The following RBMS3 variants were observed in gnomAD, a reference collection of about 807,000 sequenced individuals.
RBMS3 encodes the protein RNA-binding motif, single-stranded-interacting protein 3.
Under a neutral mutation model 66.8 loss-of-function variants are expected in RBMS3, and 27 were observed. The observed-to-expected ratio is 0.40, with a 90% CI of 0.30 to 0.56. The LOEUF (loss-of-function observed/expected upper bound fraction) is 0.56. Among genes scored for constraint, RBMS3 ranks in the 20% least tolerant of loss-of-function variants. RBMS3 has a pLI of 0.40. For missense variants in RBMS3, 513 were observed against 549.5 expected (o/e 0.93, Z 0.66); for synonymous variants, 188 against 183.0 (o/e 1.03, Z -0.22).
chr3:29,984,567 T>G (rs1698235579), intron 12 of RBMS3, among the ~76,000 whole-genome samples: 1 of 152,150 alleles, frequency 6.6e-6, no homozygotes, highest in Non-Finnish European at 1.5e-5. Flanking sequence ...CCTTTAGTCT[T>G]TGATGCTGGT....
At chr3:29,885,715 T>A (rs2059854153) in intron 8 of RBMS3, among the ~76,000 whole-genome samples, 2 of 151,926 alleles carry the variant, frequency 1.3e-5, no homozygotes, top group South Asian at 4.1e-4. Context: ...TCATATTTTA[T>A]AATATTTTAC....
At chr3:29,396,997 G>A (rs892191062) in intron 1 of RBMS3, among the ~76,000 whole-genome samples, 1 of 152,110 alleles carries the variant, frequency 6.6e-6, no homozygotes, top group African/African-American at 2.4e-5. Flanking sequence ...TATTATTAAT[G>A]AAATGCAGTT....
At chr3:29,551,421 C>T (rs866991950) in intron 3 of RBMS3, among the ~76,000 whole-genome samples, 1 of 152,070 alleles carries the variant, frequency 6.6e-6, no homozygotes, top group Non-Finnish European at 1.5e-5. Context: ...TAGATGTATT[C>T]GCTTATGCTT....
chr3:29,295,374 TATAC>T (rs1358579748), intron 1 of RBMS3, among the ~76,000 whole-genome samples: 1 of 147,032 alleles, frequency 6.8e-6, no homozygotes, highest in African/African-American at 2.5e-5. Flanking sequence ...CATATATATA[TATAC>T]ACATATATAT....
chr3:29,590,375 A>C (rs893175629), intron 4 of RBMS3, among the ~76,000 whole-genome samples: 1 of 152,142 alleles, frequency 6.6e-6, no homozygotes, highest in Admixed American at 6.6e-5. Context: ...AATGTTAGTT[A>C]TTCAATAAAT....
At chr3:29,282,585 G>A (rs2031903147) in intron 1 of RBMS3, among the ~76,000 whole-genome samples, 1 of 152,122 alleles carries the variant, frequency 6.6e-6, no homozygotes, top group African/African-American at 2.4e-5. Context: ...AGACATGAAA[G>A]ACTCTCAGGT....
chr3:29,704,528 C>G (rs914896135), intron 4 of RBMS3, among the ~76,000 whole-genome samples: 8 of 152,182 alleles, frequency 5.3e-5, no homozygotes, highest in Non-Finnish European at 8.8e-5. Flanking sequence ...CTTAACCTCT[C>G]AAAGTCGCAG....
At chr3:29,404,689 G>C (rs911160908) in intron 1 of RBMS3, among the ~76,000 whole-genome samples, 1 of 152,068 alleles carries the variant, frequency 6.6e-6, no homozygotes, top group Admixed American at 6.6e-5. Flanking sequence ...ATCATGATGA[G>C]TTAGCAGGTT....
intron 6 of RBMS3, among the ~76,000 whole-genome samples, chr3:29,832,087 TA>T (rs1405885878): frequency 2.6e-5 from 4 of 152,120 alleles, no homozygotes; most frequent in African/African-American, 7.2e-5. Flanking sequence ...ATAGAAATAG[TA>T]ACAAAATATA....
At chr3:29,838,129 G>T (rs573384519) in intron 6 of RBMS3, among the ~76,000 whole-genome samples, 127 of 139,372 alleles carry the variant, frequency 9.1e-4, no homozygotes, top group African/African-American at 3.3e-3. Context: ...TGTTGAACCT[G>T]AGTTCACAAC....
At chr3:29,964,631 C>T (rs910008100) in intron 12 of RBMS3, among the ~76,000 whole-genome samples, 2 of 152,190 alleles carry the variant, frequency 1.3e-5, no homozygotes, top group South Asian at 2.1e-4. Flanking sequence ...AACCTTTCCT[C>T]GGGAGTCTCC....
intron 10 of RBMS3, among the ~76,000 whole-genome samples, chr3:29,929,695 A>G (rs1211998460): frequency 1.3e-5 from 2 of 152,314 alleles, no homozygotes; most frequent in Admixed American, 6.5e-5. Flanking sequence ...TATAATTAAT[A>G]GATATTCTGT....
chr3:29,609,793 C>T (rs1041366774), intron 4 of RBMS3, among the ~76,000 whole-genome samples: 1 of 151,932 alleles, frequency 6.6e-6, no homozygotes, highest in African/African-American at 2.4e-5. Context: ...TTCAGACACT[C>T]AAATAAGGTG....
At chr3:29,909,537 G>A (rs1280408170) in intron 10 of RBMS3, among the ~76,000 whole-genome samples, 2 of 152,098 alleles carry the variant, frequency 1.3e-5, no homozygotes, top group East Asian at 1.9e-4. Context: ...TGCCTCCTAA[G>A]CACAGGAGTG....
At chr3:29,491,483 A>G (rs189835344) in intron 3 of RBMS3, among the ~76,000 whole-genome samples, 310 of 152,332 alleles carry the variant, frequency 2.0e-3, no homozygotes, top group African/African-American at 7.1e-3. Flanking sequence ...ATAATCTTAC[A>G]AATACATAGA....
intron 4 of RBMS3, among the ~76,000 whole-genome samples, chr3:29,631,373 G>T (rs2049275593): frequency 6.6e-6 from 1 of 151,622 alleles, no homozygotes; most frequent in Non-Finnish European, 1.5e-5. Flanking sequence ...CTGCTTTTCT[G>T]TTATCTTGAG....
rs71628521 is a variant in RBMS3, at chr3:29,384,435, TAAGAAGAAG to T, written c.76-50284_76-50276del. Reference sequence around the variant, plus strand: ...TATACACCAATAATAATAATAATAATAAGAAGAAGAAGAAGAAGAAGAAGAAGAAGAATC... The same window carrying T: ...TATACACCAATAATAATAATAATAATAAGAAGAAGAAGAAGAAGAAGAATC... On this transcript the variant is annotated intron_variant, in intron 1 of 14. Coordinates refer to ENST00000383767, the MANE Select transcript of RBMS3 (RefSeq NM_001003793.3). 2.1e-3 allele frequency among the ~76,000 whole-genome samples: 292 copies of T among 141,102 alleles called. 3 individuals carry two copies. Among genetic ancestry groups the T allele is most frequent in the Non-Finnish European group, 3.2e-3 (207 of 65,502 alleles). 92.6% of individuals were successfully genotyped at this position (141,102 alleles called of 152,430 possible).
intron 3 of RBMS3, among the ~76,000 whole-genome samples, chr3:29,577,806 A>T (rs545158690): frequency 2.0e-4 from 31 of 152,160 alleles, no homozygotes; most frequent in Admixed American, 1.8e-3. Flanking sequence ...GGTGGTTTTG[A>T]TGCTTCAGGA....
intron 1 of RBMS3, among the ~76,000 whole-genome samples, chr3:29,413,392 A>G (rs2040355130): frequency 6.7e-6 from 1 of 148,664 alleles, no homozygotes; most frequent in African/African-American, 2.5e-5. Flanking sequence ...ATACATACAT[A>G]CATACATACA....
Sources: allele counts gnomAD v4.1 joint callset (sites outside exome capture counted in the v4.1 genomes callset), GRCh38; gene constraint gnomAD v4.1.1; transcripts MANE v1.5; gene names NCBI Gene and HGNC (gene_info 2026-07-23, HGNC 2026-07-21).